TSHZ2: variants seen among roughly 807,000 people sequenced by gnomAD.
The protein encoded by TSHZ2 is teashirt homolog 2.
TSHZ2 carries 21 observed loss-of-function variants against 74.4 expected under a neutral mutation model. That is an observed-to-expected ratio of 0.28 (90% CI 0.20 to 0.41). The LOEUF is 0.41. TSHZ2 is among the 10% of genes least tolerant of loss of function. TSHZ2 has a pLI of 1.00. For synonymous variants in TSHZ2, 540 were observed against 515.3 expected, an observed-to-expected ratio of 1.05 and a Z score of -0.65; for missense variants, 1,244 against 1,293.5, an observed-to-expected ratio of 0.96 and a Z score of 0.59.
At chr20:53,375,771 T>C (rs181622781) in intron 2 of TSHZ2, among the ~76,000 whole-genome samples, 2 of 152,282 alleles carry the variant, frequency 1.3e-5, no homozygotes, top group Admixed American at 6.5e-5. Context: ...TGCATCAAAA[T>C]TATTTTTTCT....
intron 1 of TSHZ2, among the ~76,000 whole-genome samples, chr20:53,047,281 A>G (rs893566238): frequency 3.9e-5 from 6 of 152,226 alleles, no homozygotes; most frequent in Non-Finnish European, 8.8e-5. Flanking sequence ...AAGGTCTGAT[A>G]TAAAAGTCTC....
intron 2 of TSHZ2, among the ~76,000 whole-genome samples, chr20:53,379,378 T>C (rs1486730915): frequency 1.3e-5 from 2 of 152,276 alleles, no homozygotes; most frequent in African/African-American, 4.8e-5. Context: ...TGAAACCCTG[T>C]CTCAAAAAAT....
intron 2 of TSHZ2, among the ~76,000 whole-genome samples, chr20:53,435,314 A>C (rs760369039): frequency 7.2e-5 from 11 of 152,226 alleles, no homozygotes; most frequent in Non-Finnish European, 1.2e-4. Context: ...CAGAAGAAGC[A>C]ATAAAGACTT....
rs1214759354 is a variant in TSHZ2 at position 53,230,084 on chromosome 20, C to T, written c.41-23415C>T. On this transcript the variant is annotated intron_variant, in intron 1 of 2. Transcript: ENST00000371497. ...GGGGAGGGGGAGGAGGAGAGATAGA[C>T]TGTAGTCTTTCCTGTTCTGTCCTCC... 2.0e-5 allele frequency among the ~76,000 whole-genome samples: 3 copies of T among 152,056 alleles called. No homozygotes were observed. In the East Asian group the frequency reaches 5.8e-4, roughly 29 times the overall value.
chr20:53,405,069 G>A (rs1298047009), intron 2 of TSHZ2, among the ~76,000 whole-genome samples: 1 of 152,098 alleles, frequency 6.6e-6, no homozygotes, highest in Non-Finnish European at 1.5e-5. Flanking sequence ...GGCCACCAGG[G>A]CGAAAACCTG....
intron 2 of TSHZ2, chr20:53,397,551 T>C (rs1015455412): frequency 6.6e-6 from 1 of 152,198 alleles, no homozygotes; most frequent in Non-Finnish European, 1.5e-5. Flanking sequence ...GTTCAACCAT[T>C]GTGGAAGACA....
At chr20:53,079,248 G>C (rs920146058) in intron 1 of TSHZ2, among the ~76,000 whole-genome samples, 3 of 152,194 alleles carry the variant, frequency 2.0e-5, no homozygotes, top group Non-Finnish European at 4.4e-5. Flanking sequence ...GACTTAACTT[G>C]GCTGAGCTCC....
intron 2 of TSHZ2, among the ~76,000 whole-genome samples, chr20:53,403,002 T>C (rs1234523952): frequency 1.3e-5 from 2 of 152,180 alleles, no homozygotes; most frequent in African/African-American, 2.4e-5. Flanking sequence ...CTGGGTATAT[T>C]GGACCAAGGT....
intron 2 of TSHZ2, among the ~76,000 whole-genome samples, chr20:53,454,021 T>A (rs188751623): frequency 9.2e-5 from 14 of 152,302 alleles, no homozygotes; most frequent in Non-Finnish European, 1.6e-4. Context: ...TAACTTCATA[T>A]ACACACATGC....
chr20:53,077,074 C>A (rs1050207676), intron 1 of TSHZ2, among the ~76,000 whole-genome samples: 1 of 152,080 alleles, frequency 6.6e-6, no homozygotes, highest in African/African-American at 2.4e-5. Context: ...CTCTCAGGTG[C>A]TGAAGACACA....
chr20:53,202,618 G>A (rs1989036269), intron 1 of TSHZ2, among the ~76,000 whole-genome samples: 1 of 152,134 alleles, frequency 6.6e-6, no homozygotes, highest in Admixed American at 6.6e-5. Context: ...AAGAACATAA[G>A]ATTGAGACTT....
At chr20:53,203,349 C>T (rs148158568) in intron 1 of TSHZ2, among the ~76,000 whole-genome samples, 1,809 of 152,122 alleles carry the variant, frequency 0.012, 27 homozygotes, top group African/African-American at 0.042. Flanking sequence ...CACCCACCAC[C>T]ATACCTGGCT....
intron 1 of TSHZ2, among the ~76,000 whole-genome samples, chr20:53,078,860 C>A (rs191309961): frequency 9.2e-5 from 14 of 152,254 alleles, no homozygotes; most frequent in African/African-American, 1.4e-4. Flanking sequence ...CATTTGGGAA[C>A]TGTTAAGTTT....
At chr20:53,466,277 A>G (rs1250125752) in intron 2 of TSHZ2, among the ~76,000 whole-genome samples, 1 of 151,570 alleles carries the variant, frequency 6.6e-6, no homozygotes, top group African/African-American at 2.4e-5. Flanking sequence ...AAAAAAAGAA[A>G]GAGAAAAAGG....
chr20:53,010,233 T>C (rs1325115542), intron 1 of TSHZ2, among the ~76,000 whole-genome samples: 1 of 152,196 alleles, frequency 6.6e-6, no homozygotes, highest in Non-Finnish European at 1.5e-5. Flanking sequence ...GTTACACACG[T>C]CGAAGTTTGA....
intron 2 of TSHZ2, among the ~76,000 whole-genome samples, chr20:53,315,222 C>G (rs1467426738): frequency 6.6e-6 from 1 of 152,186 alleles, no homozygotes; most frequent in Non-Finnish European, 1.5e-5. Flanking sequence ...AACATCAAAA[C>G]TATTAATTAG....
At chr20:53,104,798 C>G (rs747685643) in intron 1 of TSHZ2, among the ~76,000 whole-genome samples, 4 of 152,166 alleles carry the variant, frequency 2.6e-5, no homozygotes, top group Non-Finnish European at 4.4e-5. Flanking sequence ...TTTAAAGTAA[C>G]AGTTCTTACG....
intron 2 of TSHZ2, among the ~76,000 whole-genome samples, chr20:53,427,231 ACACT>A (rs777770603): frequency 2.6e-5 from 4 of 152,328 alleles, no homozygotes; most frequent in South Asian, 4.1e-4. Flanking sequence ...AAAGACAAAG[ACACT>A]CACATTATTA....
chr20:53,117,327 T>C (rs774079642), intron 1 of TSHZ2, among the ~76,000 whole-genome samples: 1 of 152,228 alleles, frequency 6.6e-6, no homozygotes, highest in Non-Finnish European at 1.5e-5. Flanking sequence ...AATTTGGAGT[T>C]AGCTAAACTA....
Sources: allele counts gnomAD v4.1 joint callset (sites outside exome capture counted in the v4.1 genomes callset), GRCh38; gene constraint gnomAD v4.1.1; transcripts MANE v1.5; gene names NCBI Gene and HGNC (gene_info 2026-07-23, HGNC 2026-07-21).